MTUS2: variants seen among roughly 807,000 people sequenced by gnomAD.
The protein encoded by MTUS2 is microtubule-associated tumor suppressor candidate 2.
MTUS2 carries 40 observed loss-of-function variants against 114.1 expected under a neutral mutation model. The observed-to-expected ratio is 0.35, with a 90% confidence interval of 0.27 to 0.46. The LOEUF is 0.46. Ranked by LOEUF, MTUS2 falls within the 20% of genes least tolerant of loss-of-function variation. The probability of loss-of-function intolerance (pLI) is 1.00; values close to 1 mark genes in which losing one functional copy is unlikely to be tolerated. For missense variants in MTUS2, 1,679 were observed against 1,705.4 expected, an observed-to-expected ratio of 0.98 and a Z score of 0.27; for synonymous variants, 688 against 672.0, an observed-to-expected ratio of 1.02 and a Z score of -0.37.
chr13:29,466,702 C>A (rs1331370754), intron 9 of MTUS2, among the ~76,000 whole-genome samples: 2 of 151,628 alleles, frequency 1.3e-5, no homozygotes, highest in African/African-American at 4.8e-5. Context: ...CATGGTGAAA[C>A]CCCATCTCTA....
At chr13:29,405,209 G>A (rs752782397) in intron 8 of MTUS2, among the ~76,000 whole-genome samples, 2 of 152,102 alleles carry the variant, frequency 1.3e-5, no homozygotes, top group African/African-American at 4.8e-5. Flanking sequence ...GAGAATTTGC[G>A]ACTAATGAAT....
chr13:29,502,608 A>G lies in MTUS2; in HGVS notation c.3897-385A>G, dbSNP rs148525159. 4.2e-3 allele frequency among the ~76,000 whole-genome samples: 646 copies of G among 152,336 alleles called. 4 individuals are homozygous for G. The highest frequency in any genetic ancestry group is 0.02 in the Middle Eastern group (6 of 294). On this transcript the variant is annotated intron_variant, in intron 15 of 15. Coordinates refer to ENST00000612955, the MANE Select transcript of MTUS2 (RefSeq NM_001033602.4). Reference sequence around the variant, plus strand: ...GGAAGGCCCGCGGCTCTTCACTGCTATTGTGCTGTTGTCATTGTCAATTGC... The same window carrying G: ...GGAAGGCCCGCGGCTCTTCACTGCTGTTGTGCTGTTGTCATTGTCAATTGC...
intron 5 of MTUS2, among the ~76,000 whole-genome samples, chr13:29,162,248 G>A (rs913179505): frequency 3.9e-5 from 6 of 152,128 alleles, no homozygotes; most frequent in African/African-American, 1.2e-4. Flanking sequence ...TTCAAATATG[G>A]TCATATTCAC....
At chr13:29,187,881 C>G (rs1894288890) in intron 5 of MTUS2, among the ~76,000 whole-genome samples, 1 of 152,124 alleles carries the variant, frequency 6.6e-6, no homozygotes, top group Non-Finnish European at 1.5e-5. Context: ...TAATGTGTCC[C>G]TTACCCAAAC....
intron 4 of MTUS2, among the ~76,000 whole-genome samples, chr13:29,041,484 A>T (rs1369808771): frequency 1.3e-5 from 2 of 152,092 alleles, no homozygotes; most frequent in East Asian, 3.9e-4. Flanking sequence ...GTGAAGAATG[A>T]TGGTGGTATA....
intron 8 of MTUS2, among the ~76,000 whole-genome samples, chr13:29,430,373 A>G (rs1187124090): frequency 6.6e-6 from 1 of 152,168 alleles, no homozygotes. Flanking sequence ...GAAAATGATT[A>G]TCCCTATGTC....
chr13:28,926,416 A>G (rs1157964618), intron 2 of MTUS2, among the ~76,000 whole-genome samples: 1 of 152,216 alleles, frequency 6.6e-6, no homozygotes, highest in Non-Finnish European at 1.5e-5. Flanking sequence ...TTACTGAAGT[A>G]TATACCCATT....
chr13:29,254,673 C>A (rs1304834866), intron 5 of MTUS2, among the ~76,000 whole-genome samples: 1 of 152,232 alleles, frequency 6.6e-6, no homozygotes, highest in Non-Finnish European at 1.5e-5. Context: ...GTAAGCTCCT[C>A]TCCCATCTCA....
At chr13:28,976,201 C>T (rs1400505443) in intron 2 of MTUS2, among the ~76,000 whole-genome samples, 1 of 87,138 alleles carries the variant, frequency 1.1e-5, no homozygotes, top group East Asian at 2.9e-4. Context: ...GAGACCTTGT[C>T]TCAAAAAAAA....
At position 29,389,388 on chromosome 13, in the gene MTUS2, C is replaced by CAT. The variant is rs1566172758; in HGVS notation, c.3117+29915_3117+29916insAT. ...GCACGTGTGTGTATATATGTATACA[C>CAT]GTGTGTGTATATATGTATACACGTG... On this transcript the variant is annotated intron_variant, in intron 8 of 15. Coordinates refer to ENST00000612955, the MANE Select transcript of MTUS2 (RefSeq NM_001033602.4). Among the ~76,000 whole-genome samples, 15 of 13,918 alleles carry CAT rather than the reference C, an allele frequency of 1.1e-3. 1 individual carries two copies. Among genetic ancestry groups the CAT allele is most frequent in the East Asian group, 4.8e-3 (1 of 208 alleles). 9.1% of individuals were successfully genotyped at this position (13,918 alleles called of 152,430 possible).
At chr13:28,828,087 AAGAC>A (rs1287500669) in intron 1 of MTUS2, among the ~76,000 whole-genome samples, 1 of 152,140 alleles carries the variant, frequency 6.6e-6, no homozygotes, top group African/African-American at 2.4e-5. Context: ...ACAACCGTAA[AAGAC>A]AGACGTTCCC....
intron 4 of MTUS2, among the ~76,000 whole-genome samples, chr13:29,088,058 C>A (rs1201800401): frequency 1.5e-4 from 20 of 135,574 alleles, no homozygotes; most frequent in African/African-American, 4.7e-4. Flanking sequence ...GACTCCGTCT[C>A]AAAAAAAAAA....
In MTUS2 at chr13:29,106,074, C is replaced by T. The variant is rs1018697138; in HGVS notation, c.2644+5104C>T. Among the ~76,000 whole-genome samples the T allele has an allele frequency of 1.1e-4, 16 of 152,268 alleles. No homozygotes were observed. In the East Asian group the frequency reaches 3.1e-3, roughly 29 times the overall value. ...GTGTCTGTTCAGGTCTCCTAGTCTT[C>T]ACCTTGTCATCTGATCTACAGTTTC... On this transcript the variant is annotated intron_variant, in intron 5 of 15. Transcript: ENST00000612955.
At position 29,462,853 on chromosome 13, in the gene MTUS2, G is replaced by A. The variant is rs116948855; in HGVS notation, c.3185-17297G>A. 7.8e-3 allele frequency among the ~76,000 whole-genome samples: 1,183 copies of A among 152,234 alleles called. 12 individuals carry two copies. Among genetic ancestry groups the A allele is most frequent in the Non-Finnish European group, 0.014 (920 of 68,024 alleles). Reference sequence around the variant, plus strand: ...AGGGAATCGCAGGGAATGAGGTGCAGGAGAAATTGAGAAGGTGCACCAGGC... The same window carrying A: ...AGGGAATCGCAGGGAATGAGGTGCAAGAGAAATTGAGAAGGTGCACCAGGC... On this transcript the variant is annotated intron_variant, in intron 9 of 15. Transcript: ENST00000612955.
At chr13:29,120,582 A>T (rs1472024617) in intron 5 of MTUS2, among the ~76,000 whole-genome samples, 2 of 152,172 alleles carry the variant, frequency 1.3e-5, no homozygotes, top group Non-Finnish European at 2.9e-5. Context: ...GTAAGAAAAG[A>T]AAAAAGAATT....
intron 2 of MTUS2, among the ~76,000 whole-genome samples, chr13:28,899,717 G>A (rs1879522787): frequency 6.6e-6 from 1 of 151,776 alleles, no homozygotes. Context: ...GCACAATCCA[G>A]CTGTTTTTAT....
chr13:28,963,744 C>T (rs1424248180), intron 2 of MTUS2, among the ~76,000 whole-genome samples: 1 of 152,188 alleles, frequency 6.6e-6, no homozygotes, highest in African/African-American at 2.4e-5. Context: ...GGCTTCCATC[C>T]CGTCACTCCA....
In MTUS2 at chr13:28,820,622, C is replaced by A. The variant is rs957902122; in HGVS notation, c.-316+11C>A. Reference sequence around the variant, plus strand: ...CTCTTTTTGACCCAGGTGAGCGAATCCTCTGCTGCGCGGTCCGGTGGGGTC... The same window carrying A: ...CTCTTTTTGACCCAGGTGAGCGAATACTCTGCTGCGCGGTCCGGTGGGGTC... On this transcript the variant is annotated intron_variant, in intron 1 of 15. Coordinates refer to ENST00000612955, the MANE Select transcript of MTUS2 (RefSeq NM_001033602.4). 12 of 152,248 alleles carry A rather than the reference C, an allele frequency of 7.9e-5. No homozygotes were observed. The highest frequency in any genetic ancestry group is 1.7e-4 in the African/African-American group (7 of 41,422). 9.4% of individuals were successfully genotyped at this position (152,248 alleles called of 1,614,324 possible). A position where few individuals can be genotyped will look rare whatever the true frequency, so the allele number is the denominator to read the frequency against.
intron 2 of MTUS2, among the ~76,000 whole-genome samples, chr13:28,908,885 C>T (rs1880221678): frequency 6.6e-6 from 1 of 151,482 alleles, no homozygotes; most frequent in Non-Finnish European, 1.5e-5. Context: ...AAGGAAGGGA[C>T]CCAGTTTCAG....
Sources: allele counts gnomAD v4.1 joint callset (sites outside exome capture counted in the v4.1 genomes callset), GRCh38; gene constraint gnomAD v4.1.1; transcripts MANE v1.5; gene names NCBI Gene and HGNC (gene_info 2026-07-23, HGNC 2026-07-21).